The following MAPK8IP3 variants were observed in gnomAD, a reference collection of about 807,000 sequenced individuals.
The protein encoded by MAPK8IP3 is C-Jun-amino-terminal kinase-interacting protein 3.
Under a neutral mutation model 157.8 loss-of-function variants are expected in MAPK8IP3, and 49 were observed. That is an observed-to-expected ratio of 0.31 (90% CI 0.25 to 0.39). MAPK8IP3 has a LOEUF of 0.39. Ranked by LOEUF, MAPK8IP3 falls within the 10% of genes least tolerant of loss-of-function variation. The pLI is 1.00. For missense variants in MAPK8IP3, 1,478 were observed against 1,889.4 expected (o/e 0.78, Z 4.04); for synonymous variants, 897 against 777.7 (o/e 1.15, Z -2.55).
intron 4 of MAPK8IP3, among the ~76,000 whole-genome samples, chr16:1,737,123 C>T (rs543343702): frequency 1.3e-5 from 1 of 74,216 alleles, no homozygotes; most frequent in African/African-American, 5.4e-5. Context: ...TCTGTGTGAC[C>T]GTCCGTGTGA....
chr16:1,747,059 C>A lies in MAPK8IP3; in HGVS notation c.778C>A (p.Gln260Lys). The A allele has an allele frequency of 6.2e-7, 1 of 1,613,650 alleles. No homozygotes were observed. The highest frequency in any genetic ancestry group is 8.5e-7 in the Non-Finnish European group (1 of 1,179,830). ...ACAGGATGAAATGTCCGAGTCAGGC[C>A]AGTCCTCGGCGGCCGCCACACCCAG... is the stretch of plus-strand genomic sequence containing the variant. ...CPQDEMSESG[Q>K]SSAAATPSTT... Residue 260 changes from glutamine to lysine, a missense_variant, in exon 6 of 32, where the codon CAG (glutamine) becomes AAG (lysine). Gln to Lys is a moderately conservative substitution (Grantham distance 53). Transcript: ENST00000610761.
intron 6 of MAPK8IP3, among the ~76,000 whole-genome samples, chr16:1,747,771 G>A (rs958200383): frequency 6.0e-5 from 9 of 150,406 alleles, no homozygotes; most frequent in South Asian, 2.1e-4. Context: ...AACCTGCATC[G>A]CCCCACGGCA....
In MAPK8IP3 at chr16:1,767,587, G is replaced by A; in HGVS notation, c.3261G>A (p.Arg1087=). ...AGAAGTCATTTGACGCCCACCCGCG[G>A]CGGGAGAGCCAGGTGCGGCAGCTGG... ...QIEKSFDAHP[R]RESQVRQLAW... Residue 1087 remains arginine, a synonymous_variant, in exon 27 of 32, where the codon CGG becomes CGA. Coordinates refer to ENST00000610761, the MANE Select transcript of MAPK8IP3 (RefSeq NM_001318852.2). The A allele has an allele frequency of 6.2e-7, 1 of 1,612,206 alleles. No individual in the cohort carries two copies. The highest frequency in any genetic ancestry group is 1.1e-5 in the South Asian group (1 of 91,040).
chr16:1,755,799 C>T (rs1321561232), intron 8 of MAPK8IP3, among the ~76,000 whole-genome samples: 1 of 149,172 alleles, frequency 6.7e-6, no homozygotes, highest in African/African-American at 2.5e-5. Context: ...GTGAAGTGAG[C>T]CAAGATCGCG....
Position 1,748,315 on chromosome 16 carries a change from C to G in MAPK8IP3, c.1066C>G (p.Pro356Ala). Residue 356 changes from proline (P) to alanine (A), a missense_variant, in exon 7 of 32, where the codon CCA becomes GCA. Physicochemically the swap from Pro to Ala is conservative, Grantham distance 27. Transcript: ENST00000610761. The stretch of plus-strand genomic sequence containing the variant: ...CTCCACGCCAGAGCTGGACATGTGT[C>G]CAGAGACCCGCCTGGACCGCACAGG... ...IDSTPELDMC[P>A]ETRLDRTGSS... 6.2e-7 allele frequency: 1 copy of G among 1,613,904 alleles called. No individual in the cohort carries two copies. The highest frequency in any genetic ancestry group is 8.5e-7 in the Non-Finnish European group (1 of 1,180,008).
intron 19 of MAPK8IP3, among the ~76,000 whole-genome samples, 181 bp downstream of exon 19, chr16:1,764,640 G>C (rs981942312): frequency 6.6e-6 from 1 of 152,208 alleles, no homozygotes. Flanking sequence ...GCCGCCTTCT[G>C]GGTTTTCAGT....
chr16:1,732,706 A>AC (rs2039396011), intron 4 of MAPK8IP3, among the ~76,000 whole-genome samples: 1 of 151,818 alleles, frequency 6.6e-6, no homozygotes, highest in East Asian at 1.9e-4. Context: ...GGTGCCAGCC[A>AC]TCCGCCCACC....
chr16:1,744,021 C>T, intron 5 of MAPK8IP3: 2 of 992,974 alleles, frequency 2.0e-6, no homozygotes, highest in Non-Finnish European at 2.4e-6. Context: ...AAAGCAGAGC[C>T]TCGCCCCAGC....
chr16:1,712,144 C>G (rs1460146814), intron 1 of MAPK8IP3, among the ~76,000 whole-genome samples: 2 of 145,060 alleles, frequency 1.4e-5, no homozygotes, highest in Non-Finnish European at 3.0e-5. Flanking sequence ...TCACTGCAAG[C>G]TCCACCTCCC....
At position 1,764,177 on chromosome 16, in the gene MAPK8IP3, C is replaced by T. The variant is rs2042119309; in HGVS notation, c.2088C>T (p.Cys696=). The part of the protein sequence containing the change: ...RMKNVPVPVY[C]RPLVEKDPTM... ...AGAACGTGCCGGTGCCGGTGTACTG[C>T]CGCCCTCTGGTGGAGAAGGACCCCA... is the stretch of plus-strand genomic sequence containing the variant. Residue 696 remains cysteine, a synonymous_variant, in exon 18 of 32, where the codon TGC becomes TGT. Coordinates refer to ENST00000610761, the MANE Select transcript of MAPK8IP3 (RefSeq NM_001318852.2). The T allele has an allele frequency of 6.2e-7, 1 of 1,611,658 alleles. No homozygotes were observed. The highest frequency in any genetic ancestry group is 1.3e-5 in the African/African-American group (1 of 74,906).
Position 1,720,010 on chromosome 16 carries a change from A to G in MAPK8IP3, c.319-4547A>G, listed in dbSNP as rs145683322. Among the ~76,000 whole-genome samples, 376 of 152,274 alleles carry G rather than the reference A, an allele frequency of 2.5e-3. 1 individual carries two copies. The highest frequency in any genetic ancestry group is 8.4e-3 in the African/African-American group (351 of 41,558). ...TCAGAGAGCAGGAAGCCAGCAGGTG[A>G]ATATACAAAGACGTGTGTGCACACA... On this transcript the variant is annotated intron_variant, in intron 1 of 31. Coordinates refer to ENST00000610761, the MANE Select transcript of MAPK8IP3 (RefSeq NM_001318852.2).
rs1451539025 is a variant in MAPK8IP3, at chr16:1,760,515, G to A, written c.1440G>A (p.Leu480=). Residue 480 remains leucine, a synonymous_variant, in exon 12 of 32, where the codon CTG becomes CTA. Transcript: ENST00000610761. The part of the protein sequence containing the change: ...KVKLENRIKE[L]EEELKRVKSE... ...AGCTGGAAAACCGTATCAAGGAGCT[G>A]GAAGAGGAACTGAAAAGGTGAGGGC... The A allele has an allele frequency of 4.3e-6, 7 of 1,613,210 alleles. No homozygotes were observed. The highest frequency in any genetic ancestry group is 1.7e-5 in the Admixed American group (1 of 59,964).
intron 4 of MAPK8IP3, among the ~76,000 whole-genome samples, chr16:1,734,244 A>C (rs527355294): frequency 4.8e-4 from 73 of 152,380 alleles, no homozygotes; most frequent in African/African-American, 1.6e-3. Flanking sequence ...CTCCCTGAGC[A>C]TGCCGAGGCC....
chr16:1,707,812 T>A (rs1430186596), intron 1 of MAPK8IP3: 1 of 152,246 alleles, frequency 6.6e-6, no homozygotes, highest in Non-Finnish European at 1.5e-5. Flanking sequence ...TAGAAGTGTC[T>A]TAGGAAATGA....
At chr16:1,763,904 G>A (rs1216797065) in intron 17 of MAPK8IP3, 121 bp downstream of exon 17, 3 of 1,018,384 alleles carry the variant, frequency 2.9e-6, no homozygotes, top group Non-Finnish European at 4.1e-6. Flanking sequence ...GAGGACGGCG[G>A]GTGGGGCGGG....
At chr16:1,732,685 C>T (rs144386973) in intron 4 of MAPK8IP3, among the ~76,000 whole-genome samples, 57 of 151,190 alleles carry the variant, frequency 3.8e-4, no homozygotes, top group African/African-American at 1.2e-3. Flanking sequence ...CAGCTTGCCC[C>T]GAGAACAGGT....
chr16:1,744,260 G>C, intron 5 of MAPK8IP3: 1 of 985,604 alleles, frequency 1.0e-6, no homozygotes, highest in Non-Finnish European at 1.2e-6. Context: ...GGGGCCGTCA[G>C]AGGATGTCCA....
chr16:1,769,515 G>A lies in MAPK8IP3; in HGVS notation c.*691G>A, dbSNP rs1230505971. ...CTACCCCATCCTGCCCATGCAGGCA[G>A]GCTCTTGCCAGCCCCGTTCTGACCC... On this transcript the variant is annotated 3_prime_UTR_variant, in exon 32 of 32. Coordinates refer to ENST00000610761, the MANE Select transcript of MAPK8IP3 (RefSeq NM_001318852.2). 6.5e-6 allele frequency: 1 copy of A among 152,838 alleles called. No homozygotes were observed. The allele number at this position is 152,838 out of a possible 1,614,324, so 9.5% of individuals were successfully genotyped here.
Position 1,758,626 on chromosome 16 carries a change from A to G in MAPK8IP3, c.1229-352A>G, listed in dbSNP as rs541792084. Among the ~76,000 whole-genome samples the G allele has an allele frequency of 6.6e-5, 10 of 152,034 alleles. No homozygotes were observed. In the South Asian group the frequency reaches 2.1e-3, roughly 32 times the overall value. ...GAGGCCCCACCCAGAGGCTGTCCAGATGCAGCCCCCCAGCCTCCAGGCACA... is the reference window on the plus strand; with the variant it reads ...GAGGCCCCACCCAGAGGCTGTCCAGGTGCAGCCCCCCAGCCTCCAGGCACA... On this transcript the variant is annotated intron_variant, in intron 9 of 31. Transcript: ENST00000610761.
Sources: allele counts gnomAD v4.1 joint callset (sites outside exome capture counted in the v4.1 genomes callset), GRCh38; gene constraint gnomAD v4.1.1; transcripts MANE v1.5; gene names NCBI Gene and HGNC (gene_info 2026-07-23, HGNC 2026-07-21).